ADAMTSL1: variants seen among roughly 807,000 people sequenced by gnomAD.
ADAMTSL1 encodes ADAMTS like 1.
In ADAMTSL1, 126 loss-of-function variants were observed where a neutral mutation model predicts 201.8. The observed-to-expected ratio is 0.62, with a 90% CI of 0.54 to 0.72. The LOEUF is 0.72. Ranked by LOEUF, ADAMTSL1 falls within the 30% of genes least tolerant of loss-of-function variation. The pLI, the probability that ADAMTSL1 is intolerant of heterozygous loss-of-function variation, is 0.00. For synonymous variants in ADAMTSL1, 1,121 were observed against 903.4 expected (o/e 1.24, Z -4.32); for missense variants, 2,679 against 2,277.8 (o/e 1.18, Z -3.59).
chr9:18,574,151 C>T lies in ADAMTSL1; in HGVS notation c.359C>T (p.Ser120Leu). Residue 120 changes from serine (S) to leucine (L), a missense_variant, in exon 4 of 29, where the codon TCA becomes TTA. Transcript: ENST00000380548. The stretch of plus-strand genomic sequence containing the variant: ...TCTAATGACCCTGACAACCCATGTT[C>T]ACTCAAGTGCCAAGCCAAAGGAACA... ...PVSNDPDNPC[S>L]LKCQAKGTTL... 1 of 1,614,176 alleles carries T rather than the reference C, an allele frequency of 6.2e-7. No individual in the cohort carries two copies. The highest frequency in any genetic ancestry group is 1.1e-5 in the South Asian group (1 of 91,072).
At chr9:18,117,262 G>T (rs900656515) in intron 1 of ADAMTSL1, among the ~76,000 whole-genome samples, 1 of 152,094 alleles carries the variant, frequency 6.6e-6, no homozygotes. Flanking sequence ...AATCTCTGTT[G>T]TCTGCCCCTC....
intron 10 of ADAMTSL1, among the ~76,000 whole-genome samples, 170 bp from the exon 11 acceptor site, chr9:18,680,142 T>C (rs1230410738): frequency 6.6e-6 from 1 of 152,246 alleles, no homozygotes; most frequent in African/African-American, 2.4e-5. Context: ...TGTTGAATCC[T>C]TCTCTCTTAC....
chr9:18,124,804 CCT>C (rs1262461164), intron 1 of ADAMTSL1, among the ~76,000 whole-genome samples: 1 of 152,126 alleles, frequency 6.6e-6, no homozygotes, highest in African/African-American at 2.4e-5. Context: ...TCAAATATTT[CCT>C]CTTATTTCAA....
chr9:17,998,435 A>G (rs1197060230), intron 1 of ADAMTSL1, among the ~76,000 whole-genome samples: 2 of 152,046 alleles, frequency 1.3e-5, no homozygotes, highest in Admixed American at 6.6e-5. Context: ...AAGTAATGCT[A>G]GGCTGCTGGT....
chr9:18,375,331 T>C lies in ADAMTSL1; in HGVS notation c.208-129498T>C, dbSNP rs183180251. 2.4e-4 allele frequency among the ~76,000 whole-genome samples: 36 copies of C among 152,100 alleles called. No homozygotes were observed. The East Asian group carries it at 5.8e-3, about 24-fold the overall frequency. ...AACTGATTACTGGTGGGCTAATTGCTATTTTTTTTATTTTATTTATTTTAT... is the reference window on the plus strand; with the variant it reads ...AACTGATTACTGGTGGGCTAATTGCCATTTTTTTTATTTTATTTATTTTAT... On this transcript the variant is annotated intron_variant, in intron 2 of 29. Transcript: ENST00000680146.
chr9:18,187,146 A>G (rs975677628), intron 2 of ADAMTSL1, among the ~76,000 whole-genome samples: 1 of 152,116 alleles, frequency 6.6e-6, no homozygotes, highest in Non-Finnish European at 1.5e-5. Context: ...GCAGCCCCTC[A>G]GTCATGGGCC....
intron 1 of ADAMTSL1, among the ~76,000 whole-genome samples, chr9:18,160,936 C>T (rs1025350171): frequency 2.6e-5 from 4 of 151,056 alleles, no homozygotes; most frequent in Admixed American, 2.6e-4. Flanking sequence ...ATTCCTCGTG[C>T]CTCAGCCTCT....
chr9:18,617,843 T>C (rs1205207992), intron 4 of ADAMTSL1, among the ~76,000 whole-genome samples: 1 of 151,704 alleles, frequency 6.6e-6, no homozygotes, highest in Admixed American at 6.6e-5. Flanking sequence ...TAAGCAACAC[T>C]GTGCAGTGAT....
intron 1 of ADAMTSL1, among the ~76,000 whole-genome samples, chr9:18,145,788 G>C (rs1260679258): frequency 2.0e-5 from 3 of 152,098 alleles, no homozygotes; most frequent in Non-Finnish European, 4.4e-5. Context: ...CTCTGTGAAA[G>C]ACAGTTACAA....
chr9:17,948,328 A>G (rs1827592345), intron 1 of ADAMTSL1, among the ~76,000 whole-genome samples: 1 of 152,174 alleles, frequency 6.6e-6, no homozygotes, highest in Non-Finnish European at 1.5e-5. Context: ...TACAAATACC[A>G]AATGTGTGCT....
intron 16 of ADAMTSL1, among the ~76,000 whole-genome samples, chr9:18,755,068 C>G (rs1033154454): frequency 1.3e-5 from 2 of 152,160 alleles, no homozygotes; most frequent in Non-Finnish European, 2.9e-5. Context: ...TCCACTATAC[C>G]AAACCTATTG....
At chr9:18,534,917 G>A (rs1055158681) in intron 3 of ADAMTSL1, among the ~76,000 whole-genome samples, 2 of 152,200 alleles carry the variant, frequency 1.3e-5, no homozygotes, top group African/African-American at 2.4e-5. Flanking sequence ...CCTGGTCCAG[G>A]AAACCATTTT....
intron 4 of ADAMTSL1, among the ~76,000 whole-genome samples, chr9:18,585,396 T>C (rs1823416870): frequency 6.6e-6 from 1 of 152,192 alleles, no homozygotes; most frequent in African/African-American, 2.4e-5. Context: ...AGAAAACATT[T>C]TCAAATTTTA....
chr9:18,373,201 A>G (rs1023873959), intron 2 of ADAMTSL1, among the ~76,000 whole-genome samples: 10 of 152,180 alleles, frequency 6.6e-5, no homozygotes, highest in African/African-American at 2.4e-4. Context: ...TCCTTATGTC[A>G]CAAAATAACC....
chr9:18,672,067 C>G (rs1829851216), intron 9 of ADAMTSL1, among the ~76,000 whole-genome samples: 1 of 151,828 alleles, frequency 6.6e-6, no homozygotes, highest in Non-Finnish European at 1.5e-5. Flanking sequence ...AAAAAAAGAA[C>G]AGAACCCCGG....
chr9:18,665,711 A>C (rs1304055607), intron 9 of ADAMTSL1, among the ~76,000 whole-genome samples: 1 of 151,768 alleles, frequency 6.6e-6, no homozygotes, highest in Admixed American at 6.6e-5. Flanking sequence ...CCTCCTCCTT[A>C]CACTCACTGA....
chr9:18,840,006 G>T (rs1278523302), intron 23 of ADAMTSL1, among the ~76,000 whole-genome samples: 1 of 150,324 alleles, frequency 6.7e-6, no homozygotes, highest in African/African-American at 2.5e-5. Context: ...TCTGATGGTA[G>T]TTTCTTTTGC....
intron 16 of ADAMTSL1, among the ~76,000 whole-genome samples, chr9:18,753,993 T>C (rs1042680181): frequency 6.6e-6 from 1 of 152,214 alleles, no homozygotes; most frequent in Admixed American, 6.5e-5. Flanking sequence ...ATTTTCCTGG[T>C]CCTGTGAATT....
chr9:18,261,193 C>T (rs748879081), intron 2 of ADAMTSL1, among the ~76,000 whole-genome samples: 4 of 151,862 alleles, frequency 2.6e-5, no homozygotes, highest in Non-Finnish European at 4.4e-5. Flanking sequence ...TTTCTGTGGC[C>T]ACAGGACAGA....
Sources: gnomAD v4.1 joint callset for allele counts (sites outside exome capture counted in the v4.1 genomes callset) on GRCh38, gnomAD v4.1.1 for gene constraint, MANE v1.5 for transcripts, NCBI Gene and HGNC (gene_info 2026-07-23, HGNC 2026-07-21) for gene names.